The following PCDHA1 variants were observed in gnomAD, a reference collection of about 807,000 sequenced individuals.
The protein encoded by PCDHA1 is protocadherin alpha-1.
In PCDHA1, 42 loss-of-function variants were observed where a neutral mutation model predicts 61.3. The observed-to-expected ratio is 0.69, with a 90% CI of 0.54 to 0.89. The LOEUF is 0.89. Among genes scored for constraint, PCDHA1 ranks in the 40% least tolerant of loss-of-function variants. The pLI is 0.00. For missense variants in PCDHA1, 1,256 were observed against 1,235.3 expected (o/e 1.02, Z -0.25); for synonymous variants, 610 against 553.8 (o/e 1.10, Z -1.43).
chr5:140,842,193 A>G, intron 1 of PCDHA1: 1 of 1,613,816 alleles, frequency 6.2e-7, no homozygotes, highest in Non-Finnish European at 8.5e-7. Context: ...ATGGTTATTG[A>G]CCACTTTAGC....
At chr5:140,877,273 T>C (rs1324679559) in intron 1 of PCDHA1, 2 of 1,613,722 alleles carry the variant, frequency 1.2e-6, no homozygotes, top group Non-Finnish European at 1.7e-6. Context: ...GGACGCTGAC[T>C]CCGGCTATAA....
chr5:140,893,568 C>T (rs1554185659), intron 1 of PCDHA1, among the ~76,000 whole-genome samples: 1 of 152,150 alleles, frequency 6.6e-6, no homozygotes, highest in Non-Finnish European at 1.5e-5. Flanking sequence ...TGTACTTCCT[C>T]AGTTTTTGCT....
At chr5:140,973,400 A>G (rs2096585870) in intron 1 of PCDHA1, among the ~76,000 whole-genome samples, 1 of 152,244 alleles carries the variant, frequency 6.6e-6, no homozygotes, top group Non-Finnish European at 1.5e-5. Flanking sequence ...AATCATATCT[A>G]TGAGCTTCCA....
chr5:140,974,613 G>A (rs1416866366), intron 1 of PCDHA1, among the ~76,000 whole-genome samples: 2 of 152,164 alleles, frequency 1.3e-5, no homozygotes, highest in African/African-American at 4.8e-5. Flanking sequence ...CAGGGTTCAA[G>A]CGATTCTCCT....
At chr5:140,873,414 G>T (rs184525297) in intron 1 of PCDHA1, among the ~76,000 whole-genome samples, 57 of 152,118 alleles carry the variant, frequency 3.7e-4, no homozygotes, top group African/African-American at 1.2e-3. Flanking sequence ...TTAAAATTTT[G>T]TAAATTATTA....
At chr5:140,835,991 C>A (rs2150249713) in intron 1 of PCDHA1, 70 of 1,613,150 alleles carry the variant, frequency 4.3e-5, no homozygotes, top group Middle Eastern at 1.7e-4. Context: ...TCCAGGTGAG[C>A]GCGCGCGATG....
intron 1 of PCDHA1, among the ~76,000 whole-genome samples, chr5:140,897,318 A>T (rs1420123207): frequency 1.4e-5 from 2 of 145,668 alleles, no homozygotes; most frequent in African/African-American, 2.5e-5. Flanking sequence ...TATCTCCTAA[A>T]GCTATCCCTC....
intron 1 of PCDHA1, among the ~76,000 whole-genome samples, chr5:140,900,028 T>C (rs1554188848): frequency 1.3e-5 from 2 of 152,132 alleles, no homozygotes; most frequent in Admixed American, 1.3e-4. Flanking sequence ...CAGTTTGGCC[T>C]TGAATTCCTG....
intron 1 of PCDHA1, chr5:140,804,976 A>C (rs1052174492): frequency 2.9e-5 from 43 of 1,493,470 alleles, no homozygotes; most frequent in Middle Eastern, 2.0e-4. Context: ...TAGTGTGTCC[A>C]TCTCAGGTCA....
At chr5:140,980,354 G>A (rs1387213682) in intron 2 of PCDHA1, among the ~76,000 whole-genome samples, 1 of 152,138 alleles carries the variant, frequency 6.6e-6, no homozygotes, top group Non-Finnish European at 1.5e-5. Flanking sequence ...TTCCTGGACT[G>A]GGCGCGGTGG....
chr5:140,923,719 G>A (rs906860011), intron 1 of PCDHA1, among the ~76,000 whole-genome samples: 5 of 152,182 alleles, frequency 3.3e-5, no homozygotes, highest in African/African-American at 1.2e-4. Context: ...GAATAAGAAT[G>A]CAATGTTATG....
chr5:140,931,693 A>G (rs1001252056), intron 1 of PCDHA1, among the ~76,000 whole-genome samples: 1 of 152,004 alleles, frequency 6.6e-6, no homozygotes, highest in African/African-American at 2.4e-5. Context: ...ATTGTGATTC[A>G]TAAAACCATG....
intron 1 of PCDHA1, among the ~76,000 whole-genome samples, chr5:140,833,762 A>G (rs1772630796): frequency 6.6e-6 from 1 of 151,978 alleles, no homozygotes; most frequent in East Asian, 1.9e-4. Context: ...ACACACACAC[A>G]CACACCGCTT....
chr5:140,883,777 G>T, intron 1 of PCDHA1: 3 of 1,612,364 alleles, frequency 1.9e-6, no homozygotes, highest in Non-Finnish European at 1.7e-6. Flanking sequence ...GCGAGCGTGC[G>T]CTGTCGAGCT....
intron 1 of PCDHA1, among the ~76,000 whole-genome samples, chr5:140,960,872 AAT>A (rs2095576865): frequency 6.6e-6 from 1 of 152,232 alleles, no homozygotes; most frequent in Admixed American, 6.5e-5. Flanking sequence ...AATTAGCTGA[AAT>A]ACACACTAAT....
rs2086150778 is a variant in PCDHA1, at chr5:140,929,428, G to C, written c.2395-49521G>C. ...AGCCTTTCACAACATTTCATCAATT[G>C]AACTAAACACTCCTTCTTAGCACTT... On this transcript the variant is annotated intron_variant, in intron 1 of 3. Coordinates refer to ENST00000504120, the MANE Select transcript of PCDHA1 (RefSeq NM_018900.4). 4 of 1,491,484 alleles carry C rather than the reference G, an allele frequency of 2.7e-6. No homozygotes were observed. The East Asian group carries it at 6.9e-5, about 26-fold the overall frequency. 92.4% of individuals were successfully genotyped at this position (1,491,484 alleles called of 1,614,324 possible). A position where few individuals can be genotyped will look rare whatever the true frequency, so the allele number is the denominator to read the frequency against.
At chr5:140,870,912 C>A in intron 1 of PCDHA1, 1 of 1,613,952 alleles carries the variant, frequency 6.2e-7, no homozygotes, top group South Asian at 1.1e-5. Context: ...CAGGCTACAA[C>A]GCGTGGCTTT....
intron 1 of PCDHA1, among the ~76,000 whole-genome samples, chr5:140,872,813 A>G (rs2053916797): frequency 6.6e-6 from 1 of 152,208 alleles, no homozygotes; most frequent in Non-Finnish European, 1.5e-5. Flanking sequence ...TAAGTTTTTC[A>G]GATTCATCTA....
chr5:140,828,786 T>C (rs2150158991), intron 1 of PCDHA1: 1 of 1,614,102 alleles, frequency 6.2e-7, no homozygotes, highest in Non-Finnish European at 8.5e-7. Context: ...CTGGTCACAG[T>C]GCTGGATGTG....
Sources: allele counts gnomAD v4.1 joint callset (sites outside exome capture counted in the v4.1 genomes callset), GRCh38; gene constraint gnomAD v4.1.1; transcripts MANE v1.5; gene names NCBI Gene and HGNC (gene_info 2026-07-23, HGNC 2026-07-21).